SYT14: variants seen among roughly 807,000 people sequenced by gnomAD.
The protein encoded by SYT14 is synaptotagmin-14.
SYT14 carries 32 observed loss-of-function variants against 74.2 expected under a neutral mutation model. The ratio of observed to expected loss-of-function variants is 0.43; its 90% confidence interval spans 0.33 to 0.58. The LOEUF (loss-of-function observed/expected upper bound fraction) is 0.58. Among genes scored for constraint, SYT14 ranks in the 20% least tolerant of loss-of-function variants. The pLI, the probability that SYT14 is intolerant of heterozygous loss-of-function variation, is 0.05. For synonymous variants in SYT14, 298 were observed against 337.7 expected (o/e 0.88, Z 1.29); for missense variants, 791 against 981.8 (o/e 0.81, Z 2.60).
intron 5 of SYT14, among the ~76,000 whole-genome samples, chr1:210,076,229 G>T (rs898140315): frequency 1.3e-5 from 2 of 152,034 alleles, no homozygotes; most frequent in Non-Finnish European, 2.9e-5. Context: ...TTACTAGGTG[G>T]AACCCCAAAA....
intron 5 of SYT14, among the ~76,000 whole-genome samples, chr1:210,033,241 A>C (rs531155224): frequency 2.3e-4 from 35 of 152,030 alleles, no homozygotes; most frequent in African/African-American, 7.7e-4. Context: ...GTTGAGTTAA[A>C]GATATAAGTA....
intron 5 of SYT14, among the ~76,000 whole-genome samples, chr1:210,057,987 C>T (rs2081131827): frequency 6.6e-6 from 1 of 152,148 alleles, no homozygotes; most frequent in Non-Finnish European, 1.5e-5. Context: ...TAGGTCTATA[C>T]CTACCACAGA....
intron 7 of SYT14, among the ~76,000 whole-genome samples, chr1:210,119,631 C>T (rs2082420509): frequency 6.6e-6 from 1 of 152,030 alleles, no homozygotes; most frequent in Non-Finnish European, 1.5e-5. Context: ...TCATGATGAG[C>T]CAGTATATAA....
chr1:210,089,262 CTTTATCCAGTCTATCATTGAT>C (rs1175816729), intron 5 of SYT14, among the ~76,000 whole-genome samples: 1 of 152,234 alleles, frequency 6.6e-6, no homozygotes, highest in Non-Finnish European at 1.5e-5. Context: ...GCCACATTTT[CTTTATCCAGTCTATCATTGAT>C]GGGCATTTGG....
intron 2 of SYT14, among the ~76,000 whole-genome samples, chr1:209,972,415 C>T (rs1197495758): frequency 6.6e-6 from 1 of 151,544 alleles, no homozygotes; most frequent in Non-Finnish European, 1.5e-5. Flanking sequence ...TTAGTTTGTT[C>T]TTGTTTTTCT....
chr1:210,162,101 A>G, exon 10 of SYT14: 1 of 438,526 alleles, frequency 2.3e-6, no homozygotes, highest in Non-Finnish European at 4.6e-6. Context: ...TGATATGAAG[A>G]CTATCCAGTT....
chr1:209,990,539 GTATATATATGTATA>G (rs2079649221), intron 2 of SYT14, among the ~76,000 whole-genome samples: 2 of 24,722 alleles, frequency 8.1e-5, no homozygotes, highest in Non-Finnish European at 1.5e-4. Flanking sequence ...ATATATATAC[GTATATATATGTATA>G]TATATACGTA....
intron 1 of SYT14, among the ~76,000 whole-genome samples, chr1:209,940,660 A>G (rs1344394622): frequency 6.6e-6 from 1 of 152,136 alleles, no homozygotes; most frequent in African/African-American, 2.4e-5. Context: ...ACGTCTGTCT[A>G]CCCATCCTAG....
intron 7 of SYT14, among the ~76,000 whole-genome samples, chr1:210,102,264 T>A (rs1330667376): frequency 6.6e-6 from 1 of 152,174 alleles, no homozygotes; most frequent in Non-Finnish European, 1.5e-5. Flanking sequence ...CCTGCCACCC[T>A]CTGATAGGCC....
chr1:210,110,774 C>T (rs1259968012), intron 7 of SYT14, among the ~76,000 whole-genome samples: 3 of 152,230 alleles, frequency 2.0e-5, no homozygotes, highest in South Asian at 2.1e-4. Context: ...GACAGAGTTT[C>T]GTTCTTGTTG....
At chr1:210,044,115 G>A (rs1423547095) in intron 5 of SYT14, among the ~76,000 whole-genome samples, 1 of 152,116 alleles carries the variant, frequency 6.6e-6, no homozygotes, top group Non-Finnish European at 1.5e-5. Context: ...GCTGTAATTG[G>A]CTGGTTGGTG....
chr1:209,947,623 A>G (rs1008219882), intron 1 of SYT14, among the ~76,000 whole-genome samples: 5 of 152,204 alleles, frequency 3.3e-5, no homozygotes, highest in Admixed American at 2.6e-4. Context: ...GGTGAAATAT[A>G]CTACTGGTGA....
intron 7 of SYT14, among the ~76,000 whole-genome samples, chr1:210,105,018 G>GT (rs1188247132): frequency 1.3e-5 from 2 of 151,428 alleles, no homozygotes; most frequent in African/African-American, 4.8e-5. Flanking sequence ...TACCTGTTAA[G>GT]TTTTTTTTTC....
intron 6 of SYT14, among the ~76,000 whole-genome samples, chr1:210,097,108 A>G (rs1269077505): frequency 6.6e-6 from 1 of 152,246 alleles, no homozygotes; most frequent in African/African-American, 2.4e-5. Flanking sequence ...GCAAATGCAC[A>G]TTACAGAAAT....
intron 5 of SYT14, among the ~76,000 whole-genome samples, chr1:210,036,251 A>G (rs1260515431): frequency 6.6e-6 from 1 of 152,040 alleles, no homozygotes; most frequent in Admixed American, 6.6e-5. Context: ...GTGTATAGAA[A>G]TGCTGCTGAT....
At chr1:210,036,930 G>T (rs950952791) in intron 5 of SYT14, among the ~76,000 whole-genome samples, 2 of 151,940 alleles carry the variant, frequency 1.3e-5, no homozygotes, top group African/African-American at 4.8e-5. Flanking sequence ...TGGTGTAAGG[G>T]TGATACTGGC....
chr1:210,058,644 A>T (rs1229310767), intron 5 of SYT14, among the ~76,000 whole-genome samples: 1 of 152,162 alleles, frequency 6.6e-6, no homozygotes, highest in East Asian at 1.9e-4. Context: ...TATCTGCGTA[A>T]TTTATGAAGA....
chr1:210,099,901 C>T, intron 6 of SYT14, 111 bp from the exon 6 acceptor site: 1 of 1,093,132 alleles, frequency 9.1e-7, no homozygotes, highest in South Asian at 1.5e-5. Context: ...GTATTACTTT[C>T]TTTGTGGCAG....
rs184594433 is a variant in SYT14, at chr1:209,948,357, G to C, written c.-533-4352G>C. ...ACAAACACACATGCACACAATCACA[G>C]CACACGTGTGTGCCCACACACATCT... On this transcript the variant is annotated intron_variant, in intron 1 of 9. Coordinates refer to ENST00000637265, the Ensembl canonical transcript of SYT14. Among the ~76,000 whole-genome samples the C allele has an allele frequency of 2.1e-3, 327 of 152,236 alleles. 8 individuals carry two copies. Among genetic ancestry groups the C allele is most frequent in the East Asian group, 0.016 (81 of 5,176 alleles).
Sources: gnomAD v4.1 joint callset for allele counts (sites outside exome capture counted in the v4.1 genomes callset) on GRCh38, gnomAD v4.1.1 for gene constraint, MANE v1.5 for transcripts, NCBI Gene and HGNC (gene_info 2026-07-23, HGNC 2026-07-21) for gene names.